The following AIRIM variants were observed in gnomAD, a reference collection of about 807,000 sequenced individuals.
AIRIM encodes AFG2-interacting ribosome maturation factor.
chr1:37,686,283 A>T, the AIRIM span: 1 of 1,613,052 alleles, frequency 6.2e-7, no homozygotes, highest in Non-Finnish European at 8.5e-7. Flanking sequence ...GACTTTCGAT[A>T]ATGTCTCTCA....
the AIRIM span, chr1:37,690,378 G>C: frequency 7.8e-7 from 1 of 1,289,854 alleles, no homozygotes; most frequent in Non-Finnish European, 1.0e-6. Flanking sequence ...TGGCGTCCAA[G>C]CGCCGTCTCT....
the AIRIM span, among the ~76,000 whole-genome samples, chr1:37,685,196 G>GGC: frequency 7.8e-6 from 1 of 127,966 alleles, no homozygotes; most frequent in South Asian, 3.3e-4. Context: ...TTTTTTTGGG[G>GGC]GGGGGGGGTG....
chr1:37,683,150 C>T, the AIRIM span: 2 of 1,612,604 alleles, frequency 1.2e-6, no homozygotes, highest in Non-Finnish European at 1.7e-6. Flanking sequence ...AGGAAACATT[C>T]AATAGGATAT....
the AIRIM span, among the ~76,000 whole-genome samples, chr1:37,691,865 G>A: frequency 6.6e-6 from 1 of 152,350 alleles, no homozygotes; most frequent in East Asian, 1.9e-4. Context: ...GGCCCGCGGG[G>A]GAGCGAGGAA....
the AIRIM span, chr1:37,683,629 G>A: frequency 5.2e-6 from 3 of 577,042 alleles, no homozygotes; most frequent in Non-Finnish European, 8.7e-6. Flanking sequence ...TTGTGCTACA[G>A]GGAAAGAGGA....
At chr1:37,683,389 CAAGTCTCCCCACTGGATAGACGA>C in the AIRIM span, 2 of 1,614,048 alleles carry the variant, frequency 1.2e-6, no homozygotes, top group South Asian at 1.1e-5. Flanking sequence ...GTATGTTTGC[CAAGTCTCCCCACTGGATAGACGA>C]AAGAAGATAC....
At chr1:37,689,779 G>C in the AIRIM span, 4 of 1,613,298 alleles carry the variant, frequency 2.5e-6, no homozygotes, top group Non-Finnish European at 3.4e-6. Context: ...GGGGCTGGCA[G>C]TCCCGCAGGG....
chr1:37,690,449 G>A, the AIRIM span: 3 of 1,263,748 alleles, frequency 2.4e-6, no homozygotes, highest in East Asian at 5.6e-5. Context: ...CTGAAAAAGC[G>A]GAAAAACTTA....
chr1:37,689,615 C>T, the AIRIM span: 753 of 1,604,416 alleles, frequency 4.7e-4, 1 homozygote, highest in Admixed American at 8.9e-4. Context: ...CAGCCTTTCC[C>T]CTAGCTTGTC....
chr1:37,687,862 C>T, the AIRIM span, among the ~76,000 whole-genome samples: 2 of 152,160 alleles, frequency 1.3e-5, no homozygotes, highest in South Asian at 2.1e-4. Flanking sequence ...AGTGAGGCAC[C>T]GTACCTGGCC....
the AIRIM span, chr1:37,683,088 G>A: frequency 1.3e-5 from 20 of 1,596,570 alleles, no homozygotes; most frequent in South Asian, 5.5e-5. Flanking sequence ...GTCTTCAACT[G>A]TGGTACCCGT....
the AIRIM span, chr1:37,690,048 T>C: frequency 7.1e-7 from 1 of 1,415,444 alleles, no homozygotes; most frequent in Non-Finnish European, 9.2e-7. Flanking sequence ...AGACGGAGTC[T>C]CACTGTCGCC....
chr1:37,686,164 A>G, the AIRIM span: 1 of 1,072,706 alleles, frequency 9.3e-7, no homozygotes, highest in African/African-American at 1.6e-5. Flanking sequence ...CAAGTTCAGG[A>G]ACCAAAGAGA....
chr1:37,688,944 T>G, the AIRIM span, among the ~76,000 whole-genome samples: 1 of 134,288 alleles, frequency 7.4e-6, no homozygotes, highest in African/African-American at 2.9e-5. Flanking sequence ...CCAGCCTGAG[T>G]GACAGAGCAA....
chr1:37,690,529 T>G, the AIRIM span: 1 of 1,168,714 alleles, frequency 8.6e-7, no homozygotes. Flanking sequence ...TCTCTGCGCA[T>G]GCTCACACGC....
the AIRIM span, chr1:37,682,948 G>T: frequency 1.5e-6 from 1 of 658,186 alleles, no homozygotes; most frequent in Non-Finnish European, 2.6e-6. Context: ...GCATGCTGCA[G>T]CTCCAAAATC....
At chr1:37,688,019 G>A in the AIRIM span, among the ~76,000 whole-genome samples, 1 of 151,708 alleles carries the variant, frequency 6.6e-6, no homozygotes, top group East Asian at 1.9e-4. Context: ...GCCATACCCA[G>A]CTGATCTCAT....
At chr1:37,689,031 T>G in the AIRIM span, among the ~76,000 whole-genome samples, 1 of 151,264 alleles carries the variant, frequency 6.6e-6, no homozygotes, top group Non-Finnish European at 1.5e-5. Flanking sequence ...TATCAGAACT[T>G]GGAGACGTGC....
the AIRIM span, chr1:37,686,201 A>G: frequency 3.0e-5 from 42 of 1,419,686 alleles, no homozygotes; most frequent in Admixed American, 6.8e-4. Context: ...TAGTTTTCCA[A>G]TCTTGTGAAA....
Sources: gnomAD v4.1 joint callset for allele counts (sites outside exome capture counted in the v4.1 genomes callset) on GRCh38, gnomAD v4.1.1 for gene constraint, MANE v1.5 for transcripts, NCBI Gene and HGNC (gene_info 2026-07-23, HGNC 2026-07-21) for gene names.